The following LARS2 variants were observed in gnomAD, a reference collection of about 807,000 sequenced individuals.
The protein encoded by LARS2 is leucyl-tRNA synthetase 2, mitochondrial.
In LARS2, 81 loss-of-function variants were observed where a neutral mutation model predicts 116.6. The ratio of observed to expected loss-of-function variants is 0.69; its 90% confidence interval spans 0.58 to 0.84. The LOEUF is 0.84. LARS2 is among the 40% of genes least tolerant of loss of function. The pLI is 0.00. For missense variants in LARS2, 968 were observed against 1,114.5 expected (o/e 0.87, Z 1.87); for synonymous variants, 396 against 407.2 (o/e 0.97, Z 0.33).
chr3:45,531,458 G>GACCTCCTGGGCTCCTGGGCTCAAGCAGA (rs1700612930), intron 20 of LARS2, among the ~76,000 whole-genome samples: 2 of 151,998 alleles, frequency 1.3e-5, no homozygotes, highest in Admixed American at 1.3e-4. Context: ...GCTTATTGCA[G>GACCTCCTGGGCTCCTGGGCTCAAGCAGA]CCTTGACCTC....
At chr3:45,507,489 GA>G (rs1437872870) in intron 15 of LARS2, among the ~76,000 whole-genome samples, 1 of 152,080 alleles carries the variant, frequency 6.6e-6, no homozygotes, top group East Asian at 1.9e-4. Context: ...TATGCACCAA[GA>G]TGTTCATGTA....
chr3:45,416,344 G>A (rs886438291), intron 4 of LARS2, among the ~76,000 whole-genome samples: 1 of 152,104 alleles, frequency 6.6e-6, no homozygotes, highest in Non-Finnish European at 1.5e-5. Context: ...GGGAGAGAGA[G>A]AGAGATAGAA....
chr3:45,439,927 C>T (rs1169500333), intron 6 of LARS2, among the ~76,000 whole-genome samples: 1 of 152,202 alleles, frequency 6.6e-6, no homozygotes, highest in Non-Finnish European at 1.5e-5. Flanking sequence ...AACTTCTTTG[C>T]AGTGGTTTTC....
chr3:45,543,532 CACAATCTTGGCTCACT>C (rs1441305690), intron 21 of LARS2, among the ~76,000 whole-genome samples: 2 of 150,944 alleles, frequency 1.3e-5, no homozygotes, highest in African/African-American at 4.9e-5. Context: ...AGTGCAGTGG[CACAATCTTGGCTCACT>C]ACAACCTCCA....
intron 4 of LARS2, among the ~76,000 whole-genome samples, chr3:45,404,991 G>C (rs537689784): frequency 6.6e-6 from 1 of 152,166 alleles, no homozygotes; most frequent in African/African-American, 2.4e-5. Context: ...AGCACTTATA[G>C]TCAGAACCAC....
intron 10 of LARS2, among the ~76,000 whole-genome samples, chr3:45,483,440 G>A (rs1699739910): frequency 6.6e-6 from 1 of 152,170 alleles, no homozygotes; most frequent in South Asian, 2.1e-4. Flanking sequence ...TCTGAGGTCA[G>A]GAGTTCGAGA....
At chr3:45,447,450 G>C (rs879446648) in intron 7 of LARS2, among the ~76,000 whole-genome samples, 4 of 152,166 alleles carry the variant, frequency 2.6e-5, no homozygotes, top group Non-Finnish European at 4.4e-5. Flanking sequence ...AAGTGAGTGG[G>C]TCACGACAGC....
In LARS2 at chr3:45,531,019, G is replaced by A. The variant is rs567956535; in HGVS notation, c.2404+6911G>A. The stretch of plus-strand genomic sequence containing the variant: ...CATCCTAGCTCATGGTCTGTCTCAA[G>A]TATTTTCTTTTCTTTTGTGTTCTTG... On this transcript the variant is annotated intron_variant, in intron 20 of 21. Coordinates refer to ENST00000645846, the MANE Select transcript of LARS2 (RefSeq NM_015340.4). Among the ~76,000 whole-genome samples, 3 of 152,228 alleles carry A rather than the reference G, an allele frequency of 2.0e-5. No homozygotes were observed. The South Asian group carries it at 6.2e-4, about 32-fold the overall frequency.
In LARS2 at chr3:45,446,935, T is replaced by C. The variant is rs1308204289; in HGVS notation, c.561T>C (p.Tyr187=). The C allele has an allele frequency of 1.2e-5, 20 of 1,611,490 alleles. No homozygotes were observed. Among genetic ancestry groups the C allele is most frequent in the Non-Finnish European group, 1.7e-5 (20 of 1,178,396 alleles). The change falls in exon 7 of 22, where the codon TAT becomes TAC. Residue 187 remains tyrosine (Y), a synonymous_variant. Transcript: ENST00000645846. Reference sequence around the variant, plus strand: ...CAGATTACTACAAGTGGACTCAGTATCTCTTTATTAAACTGTATGAGGCTG... The same window carrying C: ...CAGATTACTACAAGTGGACTCAGTACCTCTTTATTAAACTGTATGAGGCTG... ...CLPDYYKWTQ[Y]LFIKLYEAGL...
intron 12 of LARS2, among the ~76,000 whole-genome samples, chr3:45,489,828 A>C (rs1361331701): frequency 6.6e-6 from 1 of 152,178 alleles, no homozygotes; most frequent in Non-Finnish European, 1.5e-5. Context: ...ATCAGACATC[A>C]ATAGTGTTCA....
At chr3:45,514,115 A>C (rs1285625952) in intron 16 of LARS2, among the ~76,000 whole-genome samples, 6 of 152,098 alleles carry the variant, frequency 3.9e-5, no homozygotes, top group Non-Finnish European at 8.8e-5. Flanking sequence ...CTGAGGCAGG[A>C]GAATCACTTG....
chr3:45,490,551 A>G (rs1048270312), intron 12 of LARS2, among the ~76,000 whole-genome samples: 3 of 152,264 alleles, frequency 2.0e-5, no homozygotes, highest in Non-Finnish European at 4.4e-5. Context: ...TATGATTTGC[A>G]TCACGACTGT....
chr3:45,444,433 G>A (rs1698980224), intron 6 of LARS2, among the ~76,000 whole-genome samples: 1 of 149,042 alleles, frequency 6.7e-6, no homozygotes, highest in Non-Finnish European at 1.5e-5. Context: ...GGAGGCCGAG[G>A]TGGGCGGATC....
intron 13 of LARS2, among the ~76,000 whole-genome samples, chr3:45,494,570 C>T (rs528553993): frequency 6.6e-6 from 1 of 152,284 alleles, no homozygotes; most frequent in African/African-American, 2.4e-5. Context: ...CCACAGAAGG[C>T]CCTGTTGATA....
At chr3:45,404,839 G>A (rs1357132942) in intron 4 of LARS2, among the ~76,000 whole-genome samples, 4 of 152,056 alleles carry the variant, frequency 2.6e-5, no homozygotes, top group South Asian at 2.1e-4. Flanking sequence ...AGCCTGCCTC[G>A]GCCTCTCAAA....
intron 6 of LARS2, among the ~76,000 whole-genome samples, chr3:45,438,664 CAAAAAAA>C (rs34358676): frequency 1.5e-5 from 2 of 135,640 alleles, no homozygotes; most frequent in Admixed American, 7.2e-5. Context: ...CTAAAAATAC[CAAAAAAA>C]AAAAAAAAAA....
At chr3:45,498,315 C>G (rs1700052558) in intron 14 of LARS2, among the ~76,000 whole-genome samples, 1 of 152,196 alleles carries the variant, frequency 6.6e-6, no homozygotes, top group South Asian at 2.1e-4. Context: ...GGGGTGGTTT[C>G]CTGAGTGGAT....
intron 21 of LARS2, 71 bp from the exon 22 acceptor site, chr3:45,547,280 G>A (rs1322978626): frequency 2.9e-6 from 4 of 1,372,058 alleles, no homozygotes; most frequent in East Asian, 2.3e-5. Flanking sequence ...ACAGGCAGGA[G>A]GTTTGGTATT....
intron 20 of LARS2, among the ~76,000 whole-genome samples, chr3:45,535,929 T>C (rs1700698900): frequency 6.6e-6 from 1 of 152,156 alleles, no homozygotes; most frequent in African/African-American, 2.4e-5. Flanking sequence ...GGACCTCACA[T>C]AGGACCTCCT....
Sources: gnomAD v4.1 joint callset for allele counts (sites outside exome capture counted in the v4.1 genomes callset) on GRCh38, gnomAD v4.1.1 for gene constraint, MANE v1.5 for transcripts, NCBI Gene and HGNC (gene_info 2026-07-23, HGNC 2026-07-21) for gene names.